Variants in ARL15 observed in about 807,000 individuals in gnomAD.
ARL15 encodes the protein ARF like GTPase 15.
ARL15 carries 19 observed loss-of-function variants against 25.2 expected under a neutral mutation model. The observed-to-expected ratio is 0.75, with a 90% CI of 0.53 to 1.10. ARL15 has a LOEUF of 1.10. Among genes scored for constraint, ARL15 ranks in the 50% least tolerant of loss-of-function variants. The probability of loss-of-function intolerance (pLI) is 0.00; values close to 1 mark genes in which losing one functional copy is unlikely to be tolerated. For synonymous variants in ARL15, 94 were observed against 86.8 expected (o/e 1.08, Z -0.46); for missense variants, 220 against 246.0 (o/e 0.89, Z 0.71).
rs180954667 is a variant in ARL15 at position 54,230,811 on chromosome 5, C to T, written c.49-58883G>A. 1.1e-4 allele frequency among the ~76,000 whole-genome samples: 16 copies of T among 152,210 alleles called. No homozygotes were observed. The East Asian group carries it at 2.7e-3, about 26-fold the overall frequency. ...ATAAATTACTCAAATATGTGCAGTCCTTTGTAGTTACAATGTGCTTTTGCC... is the reference window on the plus strand; with the variant it reads ...ATAAATTACTCAAATATGTGCAGTCTTTTGTAGTTACAATGTGCTTTTGCC... On this transcript the variant is annotated intron_variant, in intron 1 of 4. Coordinates refer to ENST00000504924, the MANE Select transcript of ARL15 (RefSeq NM_019087.3).
chr5:54,058,016 A>AT (rs869259794), intron 4 of ARL15, among the ~76,000 whole-genome samples: 2 of 62,488 alleles, frequency 3.2e-5, no homozygotes, highest in African/African-American at 1.0e-4. Flanking sequence ...TTATTTATTT[A>AT]TTTTTTTTGA....
intron 4 of ARL15, among the ~76,000 whole-genome samples, chr5:54,057,991 TA>T (rs57127868): frequency 0.41 from 34,407 of 83,656 alleles, 5,477 homozygotes; most frequent in African/African-American, 0.54. Flanking sequence ...CTGGTGCCTT[TA>T]TTTATTTATT....
chr5:54,236,322 C>A (rs1756803945), intron 1 of ARL15, among the ~76,000 whole-genome samples: 1 of 151,880 alleles, frequency 6.6e-6, no homozygotes, highest in Admixed American at 6.6e-5. Flanking sequence ...AGCCATACAG[C>A]CTGGTGGGTA....
intron 4 of ARL15, among the ~76,000 whole-genome samples, chr5:54,028,172 C>T (rs894990219): frequency 2.6e-5 from 4 of 152,092 alleles, no homozygotes; most frequent in South Asian, 2.1e-4. Flanking sequence ...CCGCCTGTCT[C>T]GGCCTCCCAA....
intron 4 of ARL15, among the ~76,000 whole-genome samples, chr5:53,987,665 C>T (rs1748339805): frequency 6.6e-6 from 1 of 152,138 alleles, no homozygotes. Flanking sequence ...ATTAACTTCT[C>T]TGAGGCTGGA....
intron 4 of ARL15, among the ~76,000 whole-genome samples, chr5:53,908,771 A>C (rs1481383198): frequency 2.6e-5 from 4 of 152,212 alleles, no homozygotes; most frequent in African/African-American, 9.6e-5. Flanking sequence ...TAATACTACA[A>C]ACCAGATGAC....
intron 1 of ARL15, among the ~76,000 whole-genome samples, chr5:54,174,504 G>A (rs1398808987): frequency 6.6e-6 from 1 of 151,940 alleles, no homozygotes; most frequent in African/African-American, 2.4e-5. Context: ...ATTCTTCATG[G>A]GTTTATTCAT....
chr5:54,161,663 T>G (rs1754404912), intron 2 of ARL15, among the ~76,000 whole-genome samples: 1 of 152,222 alleles, frequency 6.6e-6, no homozygotes, highest in South Asian at 2.1e-4. Flanking sequence ...TATTTGTAAG[T>G]GTGGTTGAAT....
intron 1 of ARL15, among the ~76,000 whole-genome samples, chr5:54,204,989 C>A (rs1755827355): frequency 6.9e-6 from 1 of 144,060 alleles, no homozygotes; most frequent in Non-Finnish European, 1.5e-5. Context: ...GGCTGAAGTG[C>A]AGTGGCACAA....
chr5:54,275,294 T>C (rs1334606807), intron 1 of ARL15, among the ~76,000 whole-genome samples: 1 of 152,190 alleles, frequency 6.6e-6, no homozygotes, highest in African/African-American at 2.4e-5. Flanking sequence ...AGATGACTGA[T>C]TGTCCCCAAT....
intron 3 of ARL15, among the ~76,000 whole-genome samples, chr5:54,136,186 C>A (rs1343188522): frequency 2.6e-5 from 4 of 152,104 alleles, no homozygotes; most frequent in African/African-American, 9.7e-5. Context: ...TCATTTAGTA[C>A]AATTTTATCA....
At chr5:53,890,244 G>A (rs1744669135) in intron 4 of ARL15, among the ~76,000 whole-genome samples, 1 of 151,858 alleles carries the variant, frequency 6.6e-6, no homozygotes, top group African/African-American at 2.4e-5. Context: ...TGTATATGTT[G>A]ATGTACAGTT....
chr5:54,033,059 G>C (rs903553294), intron 4 of ARL15, among the ~76,000 whole-genome samples: 2 of 152,028 alleles, frequency 1.3e-5, no homozygotes, highest in African/African-American at 2.4e-5. Context: ...TGGGCATGGT[G>C]GTGCACGACT....
intron 4 of ARL15, among the ~76,000 whole-genome samples, chr5:54,044,842 CT>C (rs1750457682): frequency 6.6e-6 from 1 of 152,100 alleles, no homozygotes; most frequent in Non-Finnish European, 1.5e-5. Flanking sequence ...AATTTTATTC[CT>C]TTTGACAAAA....
At chr5:53,923,239 AC>A (rs1388685020) in intron 4 of ARL15, among the ~76,000 whole-genome samples, 2 of 151,850 alleles carry the variant, frequency 1.3e-5, no homozygotes, top group Non-Finnish European at 2.9e-5. Context: ...ACAAACAATC[AC>A]CTCCCACACC....
chr5:54,072,766 C>A (rs1005076403), intron 4 of ARL15, among the ~76,000 whole-genome samples: 22 of 152,266 alleles, frequency 1.4e-4, no homozygotes, highest in Admixed American at 5.2e-4. Flanking sequence ...TCATATGTAT[C>A]AAAATTTCCT....
chr5:54,263,727 A>C (rs1757554129), intron 1 of ARL15, among the ~76,000 whole-genome samples: 1 of 152,166 alleles, frequency 6.6e-6, no homozygotes, highest in African/African-American at 2.4e-5. Flanking sequence ...TCTGAGCAAC[A>C]GGGATAGAGC....
chr5:53,912,590 C>T (rs577660127), intron 4 of ARL15, among the ~76,000 whole-genome samples: 5 of 152,262 alleles, frequency 3.3e-5, no homozygotes, highest in Non-Finnish European at 5.9e-5. Flanking sequence ...TTATATTTCT[C>T]CACCATAATC....
At chr5:53,986,610 A>G (rs183552416) in intron 4 of ARL15, among the ~76,000 whole-genome samples, 2 of 152,348 alleles carry the variant, frequency 1.3e-5, no homozygotes, top group East Asian at 3.9e-4. Flanking sequence ...AACACTGAAG[A>G]ATCAGATGAG....
Sources: gnomAD v4.1 joint callset for allele counts (sites outside exome capture counted in the v4.1 genomes callset) on GRCh38, gnomAD v4.1.1 for gene constraint, MANE v1.5 for transcripts, NCBI Gene and HGNC (gene_info 2026-07-23, HGNC 2026-07-21) for gene names.